The following ZNF512 variants were observed in gnomAD, a reference collection of about 807,000 sequenced individuals.
The protein encoded by ZNF512 is zinc finger protein 512.
ZNF512 carries 25 observed loss-of-function variants against 77.5 expected under a neutral mutation model. That is an observed-to-expected ratio of 0.32 (90% CI 0.23 to 0.45). The LOEUF (loss-of-function observed/expected upper bound fraction) is 0.45. Ranked by LOEUF, ZNF512 falls within the 20% of genes least tolerant of loss-of-function variation. The pLI, the probability that ZNF512 is intolerant of heterozygous loss-of-function variation, is 1.00. For missense variants in ZNF512, 483 were observed against 692.6 expected, an observed-to-expected ratio of 0.70 and a Z score of 3.40; for synonymous variants, 246 against 239.9, an observed-to-expected ratio of 1.03 and a Z score of -0.24.
intron 2 of ZNF512, among the ~76,000 whole-genome samples, chr2:27,591,926 A>G (rs1671603599): frequency 6.6e-6 from 1 of 152,234 alleles, no homozygotes; most frequent in African/African-American, 2.4e-5. Context: ...GTAATGTAAT[A>G]TGTCACTTTT....
At chr2:27,591,733 A>G (rs1671593227) in intron 2 of ZNF512, among the ~76,000 whole-genome samples, 1 of 152,140 alleles carries the variant, frequency 6.6e-6, no homozygotes, top group Non-Finnish European at 1.5e-5. Flanking sequence ...TGTAGAGACA[A>G]GGTCTTGCTA....
chr2:27,622,425 C>T lies in ZNF512; in HGVS notation c.*964C>T, dbSNP rs1673158548. 6.5e-6 allele frequency: 1 copy of T among 152,836 alleles called. No homozygotes were observed. The highest frequency in any genetic ancestry group is 1.5e-5 in the Non-Finnish European group (1 of 68,088). The allele number at this position is 152,836 out of a possible 1,614,324, so 9.5% of individuals were successfully genotyped here. ...TAGTCTACGCCCCACTGTTTCCACCCATCCCCTTAGCCAACCTCTGTCTTT... is the reference window on the plus strand; with the variant it reads ...TAGTCTACGCCCCACTGTTTCCACCTATCCCCTTAGCCAACCTCTGTCTTT... On this transcript the variant is annotated 3_prime_UTR_variant, in exon 14 of 14. Transcript: ENST00000355467.
At position 27,621,319 on chromosome 2, in the gene ZNF512, T is replaced by C. The variant is rs372045397; in HGVS notation, c.1562T>C (p.Leu521Pro). 2.5e-6 allele frequency: 4 copies of C among 1,613,906 alleles called. No homozygotes were observed. The highest frequency in any genetic ancestry group is 3.4e-6 in the Non-Finnish European group (4 of 1,179,994). Residue 521 changes from leucine (L) to proline (P), a missense_variant, in exon 14 of 14, where the codon CTT becomes CCT. Coordinates refer to ENST00000355467, the MANE Select transcript of ZNF512 (RefSeq NM_032434.4). ...GIELPETELS[L>P]RVGKDQRRNN... ...GAGCTTCCCGAGACAGAGCTGAGTC[T>C]TAGAGTAGGGAAGGATCAGAGGAGG...
At chr2:27,611,038 C>T (rs570340928) in intron 10 of ZNF512, among the ~76,000 whole-genome samples, 168 of 152,098 alleles carry the variant, frequency 1.1e-3, no homozygotes, top group Middle Eastern at 6.8e-3. Context: ...CTGTCCTGTC[C>T]CCATGGTTAA....
intron 2 of ZNF512, among the ~76,000 whole-genome samples, 180 bp from the exon 3 acceptor site, chr2:27,597,883 ATAAT>A (rs1299055210): frequency 3.9e-5 from 6 of 152,234 alleles, no homozygotes; most frequent in Non-Finnish European, 7.3e-5. Context: ...AAGTGTGATA[ATAAT>A]TGTACATGTT....
chr2:27,599,646 G>A lies in ZNF512; in HGVS notation c.341G>A (p.Arg114Gln), dbSNP rs1192684184. 4 of 1,614,060 alleles carry A rather than the reference G, an allele frequency of 2.5e-6. No individual in the cohort carries two copies. Among genetic ancestry groups the A allele is most frequent in the East Asian group, 2.2e-5 (1 of 44,902 alleles). Residue 114 changes from arginine (R) to glutamine (Q), a missense_variant, in exon 4 of 14, where the codon CGA becomes CAA. Around this residue, in one of 2 missense-constraint regions of ZNF512, gnomAD observed 159 missense variants for 167.5 expected, o/e 0.95. Transcript: ENST00000355467. ...KPRQEEDEDYREFPQKKHKLY... is the reference protein window; with the variant it reads ...KPRQEEDEDYQEFPQKKHKLY... ...AGGCAGGAAGAAGATGAAGACTATC[G>A]AGAATTTCCTCAGAAGAAGCATAAG...
chr2:27,586,193 G>T (rs1371641312), intron 2 of ZNF512, among the ~76,000 whole-genome samples: 1 of 150,836 alleles, frequency 6.6e-6, no homozygotes, highest in Non-Finnish European at 1.5e-5. Flanking sequence ...GCTCTTAATG[G>T]CCTGTTGGTA....
At chr2:27,587,586 G>C (rs1053864364) in intron 2 of ZNF512, among the ~76,000 whole-genome samples, 1 of 150,168 alleles carries the variant, frequency 6.7e-6, no homozygotes, top group African/African-American at 2.4e-5. Flanking sequence ...CTAATTTGTG[G>C]TTTTTAATTC....
Position 27,601,435 on chromosome 2 carries a change from A to G in ZNF512, c.662A>G (p.Asn221Ser), listed in dbSNP as rs1403620975. Residue 221 changes from asparagine to serine, a missense_variant, in exon 7 of 14, where the codon AAT becomes AGT. Physicochemically the swap from Asn to Ser is conservative, Grantham distance 46 (BLOSUM62 1). Around this residue, in one of 2 missense-constraint regions of ZNF512, gnomAD observed 324 missense variants for 525.0 expected, o/e 0.62. Transcript: ENST00000355467. ...AAGTATCATGTCATGGCAAATCATA[A>G]TAGTTTGGTAAGAGTGTCTTCTGTC... ...GMKYHVMANH[N>S]SLPILKAGDE... 6.2e-7 allele frequency: 1 copy of G among 1,612,942 alleles called. No homozygotes were observed. Among genetic ancestry groups the G allele is most frequent in the Non-Finnish European group, 8.5e-7 (1 of 1,179,444 alleles).
In ZNF512 at chr2:27,602,474, A is replaced by T. The variant is rs1672161151; in HGVS notation, c.681A>T (p.Lys227Asn). Residue 227 changes from lysine (K) to asparagine (N), a missense_variant, in exon 8 of 14, where the codon AAA (lysine) becomes AAT (asparagine). This residue lies in a region of ZNF512 where 324 missense variants were observed against 525.0 expected (regional missense o/e 0.62). Coordinates refer to ENST00000355467, the MANE Select transcript of ZNF512 (RefSeq NM_032434.4). ...MANHNSLPIL[K>N]AGDEIDEPSE... ...CTCTTGATTTCTAGCCCATTTTGAA[A>T]GCCGGAGATGAAATAGATGAGCCAA... The T allele has an allele frequency of 3.7e-6, 6 of 1,613,322 alleles. No homozygotes were observed. The Admixed American group carries it at 8.4e-5, about 22-fold the overall frequency.
At chr2:27,597,434 C>T (rs1572913874) in intron 2 of ZNF512, among the ~76,000 whole-genome samples, 4 of 152,168 alleles carry the variant, frequency 2.6e-5, no homozygotes, top group Admixed American at 2.0e-4. Context: ...TTTGTAGTTA[C>T]AGAGTAATGT....
intron 2 of ZNF512, among the ~76,000 whole-genome samples, chr2:27,593,778 C>T (rs1572908930): frequency 7.7e-5 from 11 of 142,836 alleles, no homozygotes; most frequent in Non-Finnish European, 4.6e-5. Flanking sequence ...ATCTTTCTTT[C>T]TTTCTTTTTT....
At chr2:27,596,694 G>A (rs1671886833) in intron 2 of ZNF512, among the ~76,000 whole-genome samples, 1 of 152,178 alleles carries the variant, frequency 6.6e-6, no homozygotes, top group Non-Finnish European at 1.5e-5. Flanking sequence ...GCCTTAGTGG[G>A]CTTAGCTGCC....
At chr2:27,599,289 C>G (rs1173004639) in intron 3 of ZNF512, among the ~76,000 whole-genome samples, 2 of 152,178 alleles carry the variant, frequency 1.3e-5, no homozygotes, top group African/African-American at 4.8e-5. Context: ...TTCTTATCCT[C>G]TTGTTAGCCT....
In ZNF512 at chr2:27,603,261, G is replaced by A; in HGVS notation, c.890G>A (p.Arg297Lys). The change falls in exon 9 of 14, where the codon AGG (arginine) becomes AAG (lysine). Residue 297 changes from arginine to lysine, a missense_variant. By Grantham distance (26) the Arg-to-Lys change is conservative. Around this residue, in one of 2 missense-constraint regions of ZNF512, gnomAD observed 324 missense variants for 525.0 expected, o/e 0.62. Coordinates refer to ENST00000355467, the MANE Select transcript of ZNF512 (RefSeq NM_032434.4). Reference sequence around the variant, plus strand: ...TGTCACCACTGTGGAAAACCATATAGGTCGAAGGCTGGACTTGCATATCAC... The same window carrying A: ...TGTCACCACTGTGGAAAACCATATAAGTCGAAGGCTGGACTTGCATATCAC... ...LKCHHCGKPY[R>K]SKAGLAYHLR... The A allele has an allele frequency of 1.2e-6, 2 of 1,614,052 alleles. No homozygotes were observed. Among genetic ancestry groups the A allele is most frequent in the Non-Finnish European group, 1.7e-6 (2 of 1,179,964 alleles).
intron 7 of ZNF512, 79 bp downstream of exon 7, chr2:27,601,521 C>T: frequency 2.4e-6 from 3 of 1,243,316 alleles, no homozygotes; most frequent in Non-Finnish European, 3.5e-6. Flanking sequence ...GTTGCCCAGG[C>T]TGGAGTGCAG....
rs1342944579 is a variant in ZNF512 at position 27,622,735 on chromosome 2, A to G, written c.*1274A>G. On this transcript the variant is annotated 3_prime_UTR_variant, in exon 14 of 14. Transcript: ENST00000355467. ...TATATTCTTGCCTATTTTGTGGCAT[A>G]TGCCACATAAAAAATGAACCTGATA... 2.0e-5 allele frequency: 3 copies of G among 152,760 alleles called. No individual in the cohort carries two copies. The highest frequency in any genetic ancestry group is 1.9e-4 in the East Asian group (1 of 5,334). 9.5% of individuals were successfully genotyped at this position (152,760 alleles called of 1,614,324 possible). A position where few individuals can be genotyped will look rare whatever the true frequency, so the allele number is the denominator to read the frequency against.
intron 7 of ZNF512, among the ~76,000 whole-genome samples, chr2:27,601,659 G>GTTTTGT (rs1672120329): frequency 6.6e-6 from 1 of 150,710 alleles, no homozygotes; most frequent in African/African-American, 2.4e-5. Context: ...GTTTTGTTTT[G>GTTTTGT]TTTTTTGAGA....
chr2:27,590,593 T>G (rs1332146022), intron 2 of ZNF512, among the ~76,000 whole-genome samples: 1 of 152,228 alleles, frequency 6.6e-6, no homozygotes, highest in Non-Finnish European at 1.5e-5. Flanking sequence ...TTTTATTTTT[T>G]GTTCTCTGTT....
Sources: allele counts gnomAD v4.1 joint callset (sites outside exome capture counted in the v4.1 genomes callset), GRCh38; gene constraint gnomAD v4.1.1; regional missense constraint gnomAD v4.1.1; transcripts MANE v1.5; gene names NCBI Gene and HGNC (gene_info 2026-07-23, HGNC 2026-07-21).